Variants in JPH4 observed in about 807,000 individuals in gnomAD.
JPH4 encodes junctophilin-4.
In JPH4, 18 loss-of-function variants were observed where a neutral mutation model predicts 57.6. The observed-to-expected ratio is 0.31, with a 90% confidence interval of 0.22 to 0.46. The LOEUF is 0.46. Among genes scored for constraint, JPH4 ranks in the 20% least tolerant of loss-of-function variants. The pLI is 1.00. For synonymous variants in JPH4, 425 were observed against 406.6 expected (o/e 1.05, Z -0.54); for missense variants, 727 against 911.1 (o/e 0.80, Z 2.60).
chr14:23,577,347 T>C lies in JPH4; in HGVS notation c.107A>G (p.Gln36Arg). 1 of 1,523,550 alleles carries C rather than the reference T, an allele frequency of 6.6e-7. No homozygotes were observed. Among genetic ancestry groups the C allele is most frequent in the Non-Finnish European group, 8.8e-7 (1 of 1,137,934 alleles). The allele number at this position is 1,523,550 out of a possible 1,614,324, so 94.4% of individuals were successfully genotyped here. ...TGCCCAGCAGCCGCTGTACTCGCCC[T>C]GGGCGCCGGGGCCCGTGCACACGCC... Reference protein sequence around the residue: ...GYGVCTGPGAQGEYSGCWAHG... With the variant: ...GYGVCTGPGARGEYSGCWAHG... Residue 36 changes from glutamine (Q) to arginine (R), a missense_variant, in exon 2 of 6, where the codon CAG (glutamine) becomes CGG (arginine). By Grantham distance (43) the Gln-to-Arg change is conservative. This residue lies in a region of JPH4 where 83 missense variants were observed against 135.4 expected (regional missense o/e 0.61). Coordinates refer to ENST00000356300, the MANE Select transcript of JPH4 (RefSeq NM_001146028.2). The surrounding 1 kb of genome is among the most constrained non-coding windows in gnomAD (Gnocchi z 8.4).
intron 3 of JPH4, among the ~76,000 whole-genome samples, chr14:23,574,500 G>A (rs1345401675): frequency 6.6e-6 from 1 of 152,144 alleles, no homozygotes; most frequent in East Asian, 1.9e-4. Flanking sequence ...ATTTAATTCA[G>A]TAGTTACAAA....
rs778129191 is a variant in JPH4, at chr14:23,571,350, G to A, written c.1381C>T (p.Pro461Ser). 1 of 1,599,666 alleles carries A rather than the reference G, an allele frequency of 6.3e-7. No individual in the cohort carries two copies. The highest frequency in any genetic ancestry group is 1.7e-5 in the Admixed American group (1 of 59,176). Reference sequence around the variant, plus strand: ...TGGCGGGAGGAGGCAGGACTGCTGGGCAGTTCAGGGGATCCCTCTGAGGGG... The same window carrying A: ...TGGCGGGAGGAGGCAGGACTGCTGGACAGTTCAGGGGATCCCTCTGAGGGG... The part of the protein sequence containing the change: ...LTPSEGSPEL[P>S]SSPASSRQPW... The change falls in exon 5 of 6, where the codon CCC becomes TCC. Residue 461 changes from proline (P) to serine (S), a missense_variant. Around this residue, in one of 7 missense-constraint regions of JPH4, gnomAD observed 293 missense variants for 279.8 expected, o/e 1.05. Transcript: ENST00000356300. The surrounding 1 kb of genome is among the most constrained non-coding windows in gnomAD (Gnocchi z 4.6).
At chr14:23,572,781 C>T in intron 3 of JPH4, 1 of 675,878 alleles carries the variant, frequency 1.5e-6, no homozygotes, top group Middle Eastern at 2.4e-4. Flanking sequence ...CTCACCATTG[C>T]AACTACACTT....
Position 23,578,532 on chromosome 14 carries a change from A to C in JPH4, c.-524T>G, listed in dbSNP as rs1482737039. 6.6e-6 allele frequency: 1 copy of C among 151,562 alleles called. No homozygotes were observed. Among genetic ancestry groups the C allele is most frequent in the Non-Finnish European group, 1.5e-5 (1 of 67,942 alleles). 9.4% of individuals were successfully genotyped at this position (151,562 alleles called of 1,614,324 possible). On this transcript the variant is annotated 5_prime_UTR_variant, in exon 1 of 6. Coordinates refer to ENST00000356300, the MANE Select transcript of JPH4 (RefSeq NM_001146028.2). ...TTTCTTCTTATGGTTGGGAGAGGAA[A>C]AATAAATCAAAATTCCGATTCCATC...
In JPH4 at chr14:23,569,853, T is replaced by C. The variant is rs1889053080; in HGVS notation, c.1804-136A>G. 4.9e-6 allele frequency: 3 copies of C among 616,754 alleles called. No individual in the cohort carries two copies. In the Admixed American group the frequency reaches 9.4e-5, roughly 19 times the overall value. 38.2% of individuals were successfully genotyped at this position (616,754 alleles called of 1,614,324 possible). ...GGAGCAGGGGGATCGCCAACATTTGTTTTGGATTGCAAAACCCCCTCTTCT... is the reference window on the plus strand; with the variant it reads ...GGAGCAGGGGGATCGCCAACATTTGCTTTGGATTGCAAAACCCCCTCTTCT... On this transcript the variant is annotated intron_variant, in intron 5 of 5. Transcript: ENST00000356300. The surrounding 1 kb of genome is among the most constrained non-coding windows in gnomAD (Gnocchi z 4.8).
intron 5 of JPH4, among the ~76,000 whole-genome samples, chr14:23,570,539 A>AT (rs1054688527): frequency 7.3e-5 from 11 of 151,466 alleles, no homozygotes; most frequent in East Asian, 5.9e-4. Flanking sequence ...GCCCGGCTAA[A>AT]TTTTTTTTGT....
chr14:23,568,917 A>G lies in JPH4; in HGVS notation c.*717T>C, dbSNP rs572619383. ...CACGTTGCTCTTGGCATGGCATGCC[A>G]CCAGAGGGGGCTGGAGGAGGGGCTG... On this transcript the variant is annotated 3_prime_UTR_variant, in exon 6 of 6. Coordinates refer to ENST00000356300, the MANE Select transcript of JPH4 (RefSeq NM_001146028.2). 3 of 526,984 alleles carry G rather than the reference A, an allele frequency of 5.7e-6. No homozygotes were observed. The East Asian group carries it at 4.5e-4, about 79-fold the overall frequency. The allele number at this position is 526,984 out of a possible 1,614,324, so 32.6% of individuals were successfully genotyped here. A position where few individuals can be genotyped will look rare whatever the true frequency, so the allele number is the denominator to read the frequency against.
rs76813976 is a variant in JPH4 at position 23,572,361 on chromosome 14, T to C, written c.1152-441A>G. ...CACCTTCTTTGCAGTTAGCACCTCC[T>C]GTTGTTACTAACCCCTCTCACCCCC... On this transcript the variant is annotated intron_variant, in intron 3 of 5. Coordinates refer to ENST00000356300, the MANE Select transcript of JPH4 (RefSeq NM_001146028.2). Among the ~76,000 whole-genome samples the C allele has an allele frequency of 8.9e-3, 1,359 of 151,950 alleles. 14 individuals are homozygous for C. The highest frequency in any genetic ancestry group is 0.028 in the African/African-American group (1,174 of 41,386).
chr14:23,569,550 C>A lies in JPH4; in HGVS notation c.*84G>T. On this transcript the variant is annotated 3_prime_UTR_variant, in exon 6 of 6. Coordinates refer to ENST00000356300, the MANE Select transcript of JPH4 (RefSeq NM_001146028.2). The surrounding 1 kb of genome is among the most constrained non-coding windows in gnomAD (Gnocchi z 4.8). Reference sequence around the variant, plus strand: ...GAAAGAAAGATAGGAGAAAACACAGCCAGGAAGAGGAGAAGAGAAAAAAGG... The same window carrying A: ...GAAAGAAAGATAGGAGAAAACACAGACAGGAAGAGGAGAAGAGAAAAAAGG... 1.2e-6 allele frequency: 1 copy of A among 865,356 alleles called. No individual in the cohort carries two copies. The highest frequency in any genetic ancestry group is 1.9e-6 in the Non-Finnish European group (1 of 521,362). The allele number at this position is 865,356 out of a possible 1,614,324, so 53.6% of individuals were successfully genotyped here. A position where few individuals can be genotyped will look rare whatever the true frequency, so the allele number is the denominator to read the frequency against.
In JPH4 at chr14:23,577,720, C is replaced by T; in HGVS notation, c.-171-96G>A. 2 of 366,510 alleles carry T rather than the reference C, an allele frequency of 5.5e-6. No homozygotes were observed. The highest frequency in any genetic ancestry group is 8.2e-5 in the East Asian group (2 of 24,516). 22.7% of individuals were successfully genotyped at this position (366,510 alleles called of 1,614,324 possible). A position where few individuals can be genotyped will look rare whatever the true frequency, so the allele number is the denominator to read the frequency against. On this transcript the variant is annotated intron_variant, in intron 1 of 5. Transcript: ENST00000356300. This position sits in a 1 kb window ranked among gnomAD's most constrained non-coding sequence, Gnocchi z 8.4. ...GGTGGCTCTGGGGCATCAGCGCCGC[C>T]CCCCAATCCACCCCCCTCCTTTGGC...
Position 23,569,559 on chromosome 14 carries a change from G to A in JPH4, c.*75C>T. ...ATAGGAGAAAACACAGCCAGGAAGA[G>A]GAGAAGAGAAAAAAGGCAGGTCAAA... On this transcript the variant is annotated 3_prime_UTR_variant, in exon 6 of 6. Transcript: ENST00000356300. This position sits in a 1 kb window ranked among gnomAD's most constrained non-coding sequence, Gnocchi z 4.8. 1.1e-6 allele frequency: 1 copy of A among 913,768 alleles called. No homozygotes were observed. The highest frequency in any genetic ancestry group is 1.4e-5 in the South Asian group (1 of 71,080). The allele number at this position is 913,768 out of a possible 1,614,324, so 56.6% of individuals were successfully genotyped here.
chr14:23,577,133 G>A lies in JPH4; in HGVS notation c.321C>T (p.Ala107=), dbSNP rs1190688999. The A allele has an allele frequency of 3.9e-6, 6 of 1,555,036 alleles. No homozygotes were observed. Among genetic ancestry groups the A allele is most frequent in the Admixed American group, 1.9e-5 (1 of 53,862 alleles). The part of the protein sequence containing the change: ...VWESVSGLRY[A]GLWKDGFQDG... ...CCTGGAAACCGTCCTTCCAGAGCCC[G>A]GCGTAGCGCAGGCCGGACACGCTTT... The change falls in exon 2 of 6, where the codon GCC becomes GCT. Residue 107 remains alanine, a synonymous_variant. Coordinates refer to ENST00000356300, the MANE Select transcript of JPH4 (RefSeq NM_001146028.2). This position sits in a 1 kb window ranked among gnomAD's most constrained non-coding sequence, Gnocchi z 8.4.
Position 23,571,348 on chromosome 14 carries a change from G to C in JPH4, c.1383C>G (p.Pro461=). Residue 461 remains proline (P), a synonymous_variant, in exon 5 of 6, where the codon CCC becomes CCG. Coordinates refer to ENST00000356300, the MANE Select transcript of JPH4 (RefSeq NM_001146028.2). The surrounding 1 kb of genome is among the most constrained non-coding windows in gnomAD (Gnocchi z 4.6). The stretch of plus-strand genomic sequence containing the variant: ...GTTGGCGGGAGGAGGCAGGACTGCT[G>C]GGCAGTTCAGGGGATCCCTCTGAGG... ...LTPSEGSPEL[P]SSPASSRQPW... is the part of the protein sequence containing the mutation. 1 of 1,599,246 alleles carries C rather than the reference G, an allele frequency of 6.3e-7. No individual in the cohort carries two copies. Among genetic ancestry groups the C allele is most frequent in the Non-Finnish European group, 8.5e-7 (1 of 1,176,972 alleles).
Position 23,575,478 on chromosome 14 carries a change from C to G in JPH4, c.1151+207G>C, listed in dbSNP as rs895856943. ...GTCTTACACCATCTCCCTCAAATACCCAGCTATCCAGAGTTACACCCACAT... is the reference window on the plus strand; with the variant it reads ...GTCTTACACCATCTCCCTCAAATACGCAGCTATCCAGAGTTACACCCACAT... On this transcript the variant is annotated intron_variant, in intron 3 of 5. Coordinates refer to ENST00000356300, the MANE Select transcript of JPH4 (RefSeq NM_001146028.2). The surrounding 1 kb of genome is among the most constrained non-coding windows in gnomAD (Gnocchi z 6.9). 1.6e-6 allele frequency: 1 copy of G among 620,768 alleles called. No homozygotes were observed. The highest frequency in any genetic ancestry group is 1.8e-5 in the African/African-American group (1 of 54,162). 38.5% of individuals were successfully genotyped at this position (620,768 alleles called of 1,614,324 possible).
chr14:23,572,128 C>T (rs565537147), intron 3 of JPH4, among the ~76,000 whole-genome samples: 1 of 152,236 alleles, frequency 6.6e-6, no homozygotes, highest in East Asian at 1.9e-4. Context: ...CTGACCTGGG[C>T]TGTGTTTGCC....
At chr14:23,573,147 A>G in intron 3 of JPH4, 1 of 599,684 alleles carries the variant, frequency 1.7e-6, no homozygotes, top group South Asian at 2.0e-5. Context: ...GGGGAAGAGG[A>G]TGGTGATATC....
At chr14:23,570,541 T>A (rs893128670) in intron 5 of JPH4, among the ~76,000 whole-genome samples, 1 of 151,650 alleles carries the variant, frequency 6.6e-6, no homozygotes, top group Non-Finnish European at 1.5e-5. Context: ...CCGGCTAAAT[T>A]TTTTTTGTAT....
At position 23,576,534 on chromosome 14, in the gene JPH4, T is replaced by A; in HGVS notation, c.380-78A>T. 1 of 1,234,838 alleles carries A rather than the reference T, an allele frequency of 8.1e-7. No individual in the cohort carries two copies. The highest frequency in any genetic ancestry group is 1.0e-6 in the Non-Finnish European group (1 of 963,302). The allele number at this position is 1,234,838 out of a possible 1,614,324, so 76.5% of individuals were successfully genotyped here. A position where few individuals can be genotyped will look rare whatever the true frequency, so the allele number is the denominator to read the frequency against. ...TTGCGCCCCAAGTCCCAAGCGCCCC[T>A]GGAAGCCCAAGCGTCAGGCGGGAGA... is the stretch of plus-strand genomic sequence containing the variant. On this transcript the variant is annotated intron_variant, in intron 2 of 5. Transcript: ENST00000356300. This position sits in a 1 kb window ranked among gnomAD's most constrained non-coding sequence, Gnocchi z 8.0.
rs982859288 is a variant in JPH4, at chr14:23,568,587, C to A, written c.*1047G>T. On this transcript the variant is annotated 3_prime_UTR_variant, in exon 6 of 6. Transcript: ENST00000356300. Reference sequence around the variant, plus strand: ...GGAAGGGATATAACCCATTTTGGGACTACTAAACTTGTCACAGCTTCTGCT... The same window carrying A: ...GGAAGGGATATAACCCATTTTGGGAATACTAAACTTGTCACAGCTTCTGCT... 2.0e-6 allele frequency: 2 copies of A among 985,770 alleles called. No individual in the cohort carries two copies. Among genetic ancestry groups the A allele is most frequent in the Admixed American group, 1.2e-4 (2 of 16,272 alleles). The allele number at this position is 985,770 out of a possible 1,614,324, so 61.1% of individuals were successfully genotyped here. A position where few individuals can be genotyped will look rare whatever the true frequency, so the allele number is the denominator to read the frequency against.
Sources: allele counts gnomAD v4.1 joint callset (sites outside exome capture counted in the v4.1 genomes callset), GRCh38; gene constraint gnomAD v4.1.1; regional missense constraint gnomAD v4.1.1; non-coding constraint Gnocchi (gnomAD v3.1); transcripts MANE v1.5; gene names NCBI Gene and HGNC (gene_info 2026-07-23, HGNC 2026-07-21).